Variants in CEMIP observed in about 807,000 individuals in gnomAD.
CEMIP encodes cell migration-inducing and hyaluronan-binding protein.
A neutral mutation model predicts 156.9 loss-of-function variants in CEMIP; 105 were observed. The ratio of observed to expected loss-of-function variants is 0.67; its 90% CI spans 0.57 to 0.79. The LOEUF (loss-of-function observed/expected upper bound fraction) is 0.79, where lower values mean the gene tolerates loss of function less well. CEMIP is among the 30% of genes least tolerant of loss of function. The probability of loss-of-function intolerance (pLI) is 0.00; values close to 1 mark genes in which losing one functional copy is unlikely to be tolerated. For missense variants in CEMIP, 1,457 were observed against 1,769.4 expected, an observed-to-expected ratio of 0.82 and a Z score of 3.17; for synonymous variants, 676 against 668.4, an observed-to-expected ratio of 1.01 and a Z score of -0.17.
At chr15:80,877,807 G>A (rs757371925) in intron 3 of CEMIP, among the ~76,000 whole-genome samples, 2 of 152,144 alleles carry the variant, frequency 1.3e-5, no homozygotes, top group Non-Finnish European at 2.9e-5. Flanking sequence ...ATTCACACTG[G>A]TGACCACATG....
At chr15:80,922,561 A>G (rs1489903229) in intron 17 of CEMIP, among the ~76,000 whole-genome samples, 1 of 152,224 alleles carries the variant, frequency 6.6e-6, no homozygotes, top group Non-Finnish European at 1.5e-5. Context: ...AGGAAGGTGG[A>G]GGCAGCATTG....
intron 14 of CEMIP, among the ~76,000 whole-genome samples, chr15:80,917,287 G>GGGCAGGAGGCAGGA (rs3974340): frequency 1.7e-4 from 26 of 150,910 alleles, no homozygotes; most frequent in Non-Finnish European, 2.8e-4. Flanking sequence ...AAAGAGCTAT[G>GGGCAGGAGGCAGGA]GGCAGGAGGC....
At chr15:80,873,398 C>G (rs545887943) in intron 1 of CEMIP, 140 bp from the exon 2 acceptor site, 1 of 218,642 alleles carries the variant, frequency 4.6e-6, no homozygotes, top group Non-Finnish European at 9.2e-6. Context: ...CCAGTCCACA[C>G]CCTCATTTTA....
chr15:80,931,341 C>G (rs1227317252), intron 21 of CEMIP, among the ~76,000 whole-genome samples: 1 of 152,214 alleles, frequency 6.6e-6, no homozygotes, highest in Non-Finnish European at 1.5e-5. Flanking sequence ...AAGGCTTACT[C>G]CCAGAGGAGA....
intron 15 of CEMIP, 67 bp downstream of exon 15, chr15:80,920,366 T>C: frequency 7.0e-7 from 1 of 1,438,086 alleles, no homozygotes; most frequent in Non-Finnish European, 9.6e-7. Context: ...ATGTGTTCAC[T>C]CAGCTCAGCC....
chr15:80,925,351 G>A (rs1567103949), intron 18 of CEMIP, among the ~76,000 whole-genome samples: 1 of 152,350 alleles, frequency 6.6e-6, no homozygotes, highest in East Asian at 1.9e-4. Context: ...TGTGGGAATG[G>A]CTGTCTGAAC....
At chr15:80,907,336 G>A (rs1294079656) in intron 13 of CEMIP, among the ~76,000 whole-genome samples, 1 of 152,266 alleles carries the variant, frequency 6.6e-6, no homozygotes, top group Non-Finnish European at 1.5e-5. Flanking sequence ...GCCAAGGCGG[G>A]TGGATCACCT....
intron 1 of CEMIP, among the ~76,000 whole-genome samples, chr15:80,835,633 CAG>C (rs149688199): frequency 1.5e-3 from 235 of 152,340 alleles, no homozygotes; most frequent in African/African-American, 5.5e-3. Flanking sequence ...AGTCTGGAAA[CAG>C]ATATTATTTT....
At chr15:80,925,812 A>C in intron 19 of CEMIP, 57 bp downstream of exon 19, 1 of 1,581,772 alleles carries the variant, frequency 6.3e-7, no homozygotes, top group Non-Finnish European at 8.6e-7. Context: ...GTCTTCCCCT[A>C]GCCCCCTACA....
At chr15:80,877,234 A>C (rs995757502) in intron 3 of CEMIP, among the ~76,000 whole-genome samples, 1 of 152,162 alleles carries the variant, frequency 6.6e-6, no homozygotes, top group Non-Finnish European at 1.5e-5. Context: ...GGACACAGCC[A>C]AACCATAGCA....
chr15:80,885,174 A>G (rs1018737145), intron 7 of CEMIP, among the ~76,000 whole-genome samples: 5 of 152,152 alleles, frequency 3.3e-5, no homozygotes, highest in African/African-American at 1.2e-4. Flanking sequence ...GCTCAGTGGA[A>G]AGTTGAGGTT....
chr15:80,835,826 C>A (rs894605457), intron 1 of CEMIP, among the ~76,000 whole-genome samples: 1 of 152,280 alleles, frequency 6.6e-6, no homozygotes, highest in South Asian at 2.1e-4. Flanking sequence ...CTCACTGTTG[C>A]CACAGACAGT....
Position 80,881,254 on chromosome 15 carries a change from G to A in CEMIP, c.617+118G>A, listed in dbSNP as rs1340702875. On this transcript the variant is annotated intron_variant, in intron 6 of 29. Transcript: ENST00000394685. Reference sequence around the variant, plus strand: ...AGAACAGCAGTGAATGAAACAGATGGGAATCCCTGCCTTCAAGGAGTTCTG... The same window carrying A: ...AGAACAGCAGTGAATGAAACAGATGAGAATCCCTGCCTTCAAGGAGTTCTG... 7.8e-6 allele frequency: 7 copies of A among 894,952 alleles called. No homozygotes were observed. The East Asian group carries it at 9.6e-5, about 12-fold the overall frequency. The allele number at this position is 894,952 out of a possible 1,614,324, so 55.4% of individuals were successfully genotyped here.
chr15:80,919,793 C>G (rs751071118), intron 14 of CEMIP, among the ~76,000 whole-genome samples: 1 of 144,386 alleles, frequency 6.9e-6, no homozygotes, highest in African/African-American at 2.5e-5. Flanking sequence ...CCAGTCTGGG[C>G]GACAAAGTGA....
At chr15:80,897,390 C>A (rs997019297) in intron 12 of CEMIP, 5 of 455,444 alleles carry the variant, frequency 1.1e-5, no homozygotes, top group Non-Finnish European at 1.8e-5. Flanking sequence ...AATTCAGTCC[C>A]CTTATCTTAA....
chr15:80,937,820 G>T lies in CEMIP; in HGVS notation c.3248G>T (p.Cys1083Phe). Residue 1083 changes from cysteine to phenylalanine, a missense_variant, in exon 25 of 30, where the codon TGC becomes TTC. Coordinates refer to ENST00000394685, the MANE Select transcript of CEMIP (RefSeq NM_001293298.2). Reference sequence around the variant, plus strand: ...GGCGACTGGATCCGAGTGGGGCTCTGCTACCCGCGAGGCACCACATTCTCC... The same window carrying T: ...GGCGACTGGATCCGAGTGGGGCTCTTCTACCCGCGAGGCACCACATTCTCC... The part of the protein sequence containing the change: ...NKGDWIRVGL[C>F]YPRGTTFSIL... 4 of 1,614,226 alleles carry T rather than the reference G, an allele frequency of 2.5e-6. No individual in the cohort carries two copies. Among genetic ancestry groups the T allele is most frequent in the Non-Finnish European group, 3.4e-6 (4 of 1,180,034 alleles).
At position 80,949,129 on chromosome 15, in the gene CEMIP, G is replaced by C. The variant is rs1901702868; in HGVS notation, c.*205G>C. 1 of 669,614 alleles carries C rather than the reference G, an allele frequency of 1.5e-6. No homozygotes were observed. The highest frequency in any genetic ancestry group is 1.7e-5 in the South Asian group (1 of 59,346). 41.5% of individuals were successfully genotyped at this position (669,614 alleles called of 1,614,324 possible). ...CTCAAGTGTCTACCTGGAGCCCCTG[G>C]GGCGGTGCTGGCCAATGCTGGAAAC... On this transcript the variant is annotated 3_prime_UTR_variant, in exon 30 of 30. Coordinates refer to ENST00000394685, the MANE Select transcript of CEMIP (RefSeq NM_001293298.2).
Position 80,837,379 on chromosome 15 carries a change from C to T in CEMIP, c.-175-36159C>T, listed in dbSNP as rs888483264. On this transcript the variant is annotated intron_variant, in intron 1 of 29. Transcript: ENST00000394685. The stretch of plus-strand genomic sequence containing the variant: ...AGGTAAGCAGAGGGTTTCCCAGGCT[C>T]CTTTGGAAGAGGAGTTCAAAATGAC... Among the ~76,000 whole-genome samples, 12 of 152,118 alleles carry T rather than the reference C, an allele frequency of 7.9e-5. 1 individual carries two copies. Among genetic ancestry groups the T allele is most frequent in the Admixed American group, 3.9e-4 (6 of 15,274 alleles).
rs1901789322 is a variant in CEMIP, at chr15:80,950,866, C to T, written c.*1942C>T. ...ACATTTATCCCCTTTCCTGCCCCAA[C>T]CACAAACTCTTTCCTTCAAAGAGGG... On this transcript the variant is annotated 3_prime_UTR_variant, in exon 30 of 30. Coordinates refer to ENST00000394685, the MANE Select transcript of CEMIP (RefSeq NM_001293298.2). 6.5e-6 allele frequency: 1 copy of T among 152,802 alleles called. No homozygotes were observed. Among genetic ancestry groups the T allele is most frequent in the South Asian group, 2.1e-4 (1 of 4,834 alleles). The allele number at this position is 152,802 out of a possible 1,614,324, so 9.5% of individuals were successfully genotyped here.
Sources: allele counts gnomAD v4.1 joint callset (sites outside exome capture counted in the v4.1 genomes callset), GRCh38; gene constraint gnomAD v4.1.1; transcripts MANE v1.5; gene names NCBI Gene and HGNC (gene_info 2026-07-23, HGNC 2026-07-21).